TTN: variants seen among roughly 807,000 people sequenced by gnomAD.
The protein encoded by TTN is connectin.
Under a neutral mutation model 3,223.0 loss-of-function variants are expected in TTN, and 1,525 were observed. The ratio of observed to expected loss-of-function variants is 0.47; its 90% confidence interval spans 0.45 to 0.49. The LOEUF (loss-of-function observed/expected upper bound fraction) is 0.49. TTN is among the 20% of genes least tolerant of loss of function. The pLI, the probability that TTN is intolerant of heterozygous loss-of-function variation, is 0.00. For missense variants in TTN, 40,786 were observed against 43,424.0 expected (o/e 0.94, Z 5.40); for synonymous variants, 14,094 against 15,161.0 (o/e 0.93, Z 5.17).
chr2:178,640,171 C>A, intron 221 of TTN, 61 bp from the exon 222 acceptor site: 2 of 1,518,828 alleles, frequency 1.3e-6, no homozygotes, highest in South Asian at 2.4e-5. Flanking sequence ...TTCACAAAGT[C>A]AAAACTAAAA....
At chr2:178,633,114 ATATTT>A in intron 233 of TTN, 68 bp downstream of exon 233, 3 of 1,599,214 alleles carry the variant, frequency 1.9e-6, no homozygotes, top group Non-Finnish European at 2.6e-6. Context: ...AATCATCAAG[ATATTT>A]TATGCCTTTT....
At chr2:178,683,954 G>T (rs2070120973) in intron 133 of TTN, 45 bp downstream of exon 133, 4 of 1,431,176 alleles carry the variant, frequency 2.8e-6, no homozygotes, top group Non-Finnish European at 3.8e-6. Context: ...TTTAGTGTCT[G>T]GATGCTTATT....
Position 178,696,205 on chromosome 2 carries a change from CT to C in TTN, c.30866del (p.Lys10289ArgfsTer38). ...EEVKIMTITR[K>X]KEVQKEKEAV... ...CTTCTTTTTCTTTCTGAACCTCTTT[CT>C]TTCTGGTTATAGTCATTATTTTTAC... On this transcript the variant is annotated frameshift_variant, in exon 114 of 363. Coordinates refer to ENST00000589042, the MANE Select transcript of TTN (RefSeq NM_001267550.2). LOFTEE classifies it high-confidence loss of function. 6.4e-7 allele frequency: 1 copy of C among 1,564,824 alleles called. No homozygotes were observed. The highest frequency in any genetic ancestry group is 8.7e-7 in the Non-Finnish European group (1 of 1,153,396).
In TTN at chr2:178,780,036, T is replaced by G. The variant is rs775317448; in HGVS notation, c.3693A>C (p.Lys1231Asn). 1.2e-6 allele frequency: 2 copies of G among 1,613,204 alleles called. No homozygotes were observed. Among genetic ancestry groups the G allele is most frequent in the Non-Finnish European group, 1.7e-6 (2 of 1,179,836 alleles). The change falls in exon 22 of 363, where the codon AAA becomes AAC. Residue 1231 changes from lysine (K) to asparagine (N), a missense_variant. Coordinates refer to ENST00000589042, the MANE Select transcript of TTN (RefSeq NM_001267550.2). ...EQALIRKKMA[K>N]DTVVVRTYVE... Reference sequence around the variant, plus strand: ...CATAAGTTCTGACCACTACAGTATCTTTGGCCATTTTCTTCCTAATTAAGG... The same window carrying G: ...CATAAGTTCTGACCACTACAGTATCGTTGGCCATTTTCTTCCTAATTAAGG...
intron 119 of TTN, 144 bp from the exon 120 acceptor site, chr2:178,692,724 A>C: frequency 1.7e-6 from 1 of 584,602 alleles, no homozygotes. Flanking sequence ...GTAAATGAAG[A>C]TGGCTGAATG....
In TTN at chr2:178,709,517, C is replaced by T. The variant is rs1371880910; in HGVS notation, c.28753+49G>A. Reference sequence around the variant, plus strand: ...ATAAGAAATGCTCATGGATATATAACAGGCAGTGAAGAAAAACACAACAGG... The same window carrying T: ...ATAAGAAATGCTCATGGATATATAATAGGCAGTGAAGAAAAACACAACAGG... On this transcript the variant is annotated intron_variant, in intron 99 of 362. Transcript: ENST00000589042. The T allele has an allele frequency of 3.2e-6, 5 of 1,555,266 alleles. No individual in the cohort carries two copies. The South Asian group carries it at 3.7e-5, about 11-fold the overall frequency.
chr2:178,530,541 A>T lies in TTN; in HGVS notation c.106074T>A (p.Val35358=), dbSNP rs1477941660. 1 of 1,613,990 alleles carries T rather than the reference A, an allele frequency of 6.2e-7. No homozygotes were observed. The highest frequency in any genetic ancestry group is 1.7e-5 in the Admixed American group (1 of 60,022). Residue 35358 remains valine (V), a synonymous_variant, in exon 358 of 363, where the codon GTT becomes GTA. Coordinates refer to ENST00000589042, the MANE Select transcript of TTN (RefSeq NM_001267550.2). ...NLTESDQGEY[V]CEISGEGGTS... ...TTCCACCTTCACCAGAAATCTCACA[A>T]ACATATTCTCCTTGATCAGATTCAG... is the stretch of plus-strand genomic sequence containing the variant.
chr2:178,801,468 T>C (rs189331991), intron 3 of TTN, among the ~76,000 whole-genome samples: 53 of 152,332 alleles, frequency 3.5e-4, no homozygotes, highest in Non-Finnish European at 5.3e-4. Context: ...AGCCCTATAA[T>C]TGAACATCAT....
Position 178,731,522 on chromosome 2 carries a change from G to A in TTN, c.17244C>T (p.Ala5748=). The change falls in exon 59 of 363, where the codon GCC becomes GCT. Residue 5748 remains alanine, a synonymous_variant. Transcript: ENST00000589042. ...AGGAGCCCTTCAGAGTGGCCTGGAA[G>A]GCAGCTGTGCCTCCCCGGAGGGAGC... ...STSSLRGGTA[A]FQATLKGSLP... is the part of the protein sequence containing the mutation. The A allele has an allele frequency of 1.2e-6, 2 of 1,613,310 alleles. No individual in the cohort carries two copies. The highest frequency in any genetic ancestry group is 8.5e-7 in the Non-Finnish European group (1 of 1,179,548).
intron 12 of TTN, 72 bp downstream of exon 12, chr2:178,789,906 A>T (rs1014762993): frequency 1.3e-6 from 2 of 1,589,026 alleles, no homozygotes; most frequent in Non-Finnish European, 1.7e-6. Context: ...AATTCATACC[A>T]TATTGTAGTT....
At position 178,711,321 on chromosome 2, in the gene TTN, T is replaced by C. The variant is rs367900368; in HGVS notation, c.27915A>G (p.Arg9305=). 22 of 1,607,968 alleles carry C rather than the reference T, an allele frequency of 1.4e-5. No homozygotes were observed. In the African/African-American group the frequency reaches 2.8e-4, roughly 21 times the overall value. Residue 9305 remains arginine (R), a synonymous_variant, in exon 97 of 363, where the codon CGA becomes CGG. Transcript: ENST00000589042. ...CTGTTTCTTGAACATCTCTCAATTG[T>C]CGAGAAAATGATGGTGGAAGTTTTT... ...QEQKLPPSFS[R]QLRDVQETVG... is the part of the protein sequence containing the mutation.
chr2:178,537,212 C>A lies in TTN; in HGVS notation c.99897G>T (p.Val33299=). 6.2e-7 allele frequency: 1 copy of A among 1,609,624 alleles called. No homozygotes were observed. The highest frequency in any genetic ancestry group is 8.5e-7 in the Non-Finnish European group (1 of 1,176,636). Reference sequence around the variant, plus strand: ...CGGAGTTCTTCAATAGAGCTTCGATCACAATTGGTCCTGTAGGTTTGTCTG... The same window carrying A: ...CGGAGTTCTTCAATAGAGCTTCGATAACAATTGGTCCTGTAGGTTTGTCTG... ...DKPDKPTGPI[V]IEALLKNSAV... is the part of the protein sequence containing the mutation. The change falls in exon 356 of 363, where the codon GTG becomes GTT. Residue 33299 remains valine, a synonymous_variant. Coordinates refer to ENST00000589042, the MANE Select transcript of TTN (RefSeq NM_001267550.2).
At chr2:178,674,500 G>T in intron 150 of TTN, 91 bp from the exon 151 acceptor site, 1 of 748,978 alleles carries the variant, frequency 1.3e-6, no homozygotes. Flanking sequence ...CTCAGCCTTC[G>T]AAACGCTTGT....
chr2:178,794,890 A>G, intron 7 of TTN, 32 bp downstream of exon 7: 1 of 1,598,350 alleles, frequency 6.3e-7, no homozygotes, highest in Non-Finnish European at 8.5e-7. Context: ...TAGAATGTGA[A>G]ATAAGGAAAA....
rs759710109 is a variant in TTN, at chr2:178,576,157, C to T, written c.69975G>A (p.Gly23325=). The T allele has an allele frequency of 1.2e-6, 2 of 1,613,190 alleles. No homozygotes were observed. The highest frequency in any genetic ancestry group is 8.5e-7 in the Non-Finnish European group (1 of 1,179,474). The change falls in exon 326 of 363, where the codon GGG becomes GGA. Residue 23325 remains glycine (G), a synonymous_variant. Transcript: ENST00000589042. This position sits in a 1 kb window ranked among gnomAD's most constrained non-coding sequence, Gnocchi z 4.3. The part of the protein sequence containing the change: ...RISAINDAGV[G]EPAVIPDVEI... ...CAACATCTGGAATCACCGCTGGCTCCCCAACACCTGCATCGTTGATGGCAC... is the reference window on the plus strand; with the variant it reads ...CAACATCTGGAATCACCGCTGGCTCTCCAACACCTGCATCGTTGATGGCAC...
At chr2:178,616,110 T>C (rs990911278) in intron 257 of TTN, among the ~76,000 whole-genome samples, 2 of 151,984 alleles carry the variant, frequency 1.3e-5, no homozygotes, top group African/African-American at 4.8e-5. Flanking sequence ...AAATAATGGC[T>C]GATTAGGTCA....
In TTN at chr2:178,617,522, A is replaced by G. The variant is rs1349039211; in HGVS notation, c.47573-10T>C. On this transcript the variant is annotated splice_polypyrimidine_tract_variant and intron_variant, in intron 253 of 362. Transcript: ENST00000589042. ...GGAGGACTTGGTCTCTCTGGAATAA[A>G]AGAAGGAGTTGGAGCATACCATTTA... 6.4e-7 allele frequency: 1 copy of G among 1,573,210 alleles called. No homozygotes were observed. The highest frequency in any genetic ancestry group is 8.6e-7 in the Non-Finnish European group (1 of 1,166,796).
intron 47 of TTN, chr2:178,750,910 A>T: frequency 6.2e-7 from 1 of 1,612,580 alleles, no homozygotes; most frequent in Non-Finnish European, 8.5e-7. Context: ...GGGTATTTTC[A>T]TTTACTAGAA....
Position 178,631,229 on chromosome 2 carries a change from A to G in TTN, c.43819T>C (p.Cys14607Arg). 1 of 1,612,734 alleles carries G rather than the reference A, an allele frequency of 6.2e-7. No homozygotes were observed. The highest frequency in any genetic ancestry group is 1.1e-5 in the South Asian group (1 of 91,018). The change falls in exon 237 of 363, where the codon TGT becomes CGT. Residue 14607 changes from cysteine (C) to arginine (R), a missense_variant. Cys to Arg is a radical substitution (Grantham distance 180). Coordinates refer to ENST00000589042, the MANE Select transcript of TTN (RefSeq NM_001267550.2). ...GGTGCATCTGCTTTGCTAATTTCACACTGTAGAATAACTTCATCTTTCTCT... is the reference window on the plus strand; with the variant it reads ...GGTGCATCTGCTTTGCTAATTTCACGCTGTAGAATAACTTCATCTTTCTCT... ...GVEKDEVILQ[C>R]EISKADAPVK...
Sources: allele counts gnomAD v4.1 joint callset (sites outside exome capture counted in the v4.1 genomes callset), GRCh38; gene constraint gnomAD v4.1.1; non-coding constraint Gnocchi (gnomAD v3.1); transcripts MANE v1.5; gene names NCBI Gene and HGNC (gene_info 2026-07-23, HGNC 2026-07-21).